TRMT9B: variants seen among roughly 807,000 people sequenced by gnomAD.
TRMT9B encodes the protein tRNA methyltransferase 9B (putative), also known as probable tRNA methyltransferase 9B.
In TRMT9B, 16 loss-of-function variants were observed where a neutral mutation model predicts 11.5. The ratio of observed to expected loss-of-function variants is 1.39; its 90% CI spans 0.94 to 2.11. TRMT9B has a LOEUF of 2.11. TRMT9B is among the 30% of genes most tolerant of loss of function. TRMT9B has a pLI of 0.00. For synonymous variants in TRMT9B, 274 were observed against 192.4 expected, an observed-to-expected ratio of 1.42 and a Z score of -3.51; for missense variants, 941 against 553.8, an observed-to-expected ratio of 1.70 and a Z score of -7.02.
chr8:12,973,424 C>T (rs934091304), intron 1 of TRMT9B, among the ~76,000 whole-genome samples: 1 of 152,188 alleles, frequency 6.6e-6, no homozygotes, highest in Admixed American at 6.5e-5. Context: ...ATCTCAGACA[C>T]AGTGGTCTGG....
intron 1 of TRMT9B, among the ~76,000 whole-genome samples, chr8:12,990,066 C>G (rs145673161): frequency 6.6e-6 from 1 of 152,146 alleles, no homozygotes; most frequent in South Asian, 2.1e-4. Flanking sequence ...AAAACCCACA[C>G]GCACCCTGCC....
intron 1 of TRMT9B, among the ~76,000 whole-genome samples, chr8:12,971,455 G>C (rs866390243): frequency 6.6e-6 from 1 of 152,240 alleles, no homozygotes; most frequent in South Asian, 2.1e-4. Flanking sequence ...TTTTCTTTGT[G>C]AGGTTTAACA....
intron 1 of TRMT9B, among the ~76,000 whole-genome samples, chr8:12,946,872 G>C (rs753001684): frequency 6.6e-6 from 1 of 152,192 alleles, no homozygotes; most frequent in African/African-American, 2.4e-5. Context: ...ATGCCAGGAA[G>C]TTCCCTATGT....
At chr8:12,978,164 C>G (rs931360423) in intron 1 of TRMT9B, among the ~76,000 whole-genome samples, 1 of 152,198 alleles carries the variant, frequency 6.6e-6, no homozygotes, top group African/African-American at 2.4e-5. Context: ...TATAGGCCTC[C>G]TGAGCAAATA....
intron 3 of TRMT9B, among the ~76,000 whole-genome samples, chr8:13,008,939 A>C (rs1003947991): frequency 6.6e-6 from 1 of 152,154 alleles, no homozygotes; most frequent in Non-Finnish European, 1.5e-5. Context: ...CGTGTTAGCC[A>C]GGATGGTGTC....
intron 1 of TRMT9B, among the ~76,000 whole-genome samples, chr8:12,975,410 A>C (rs1804287372): frequency 6.6e-6 from 1 of 151,746 alleles, no homozygotes; most frequent in South Asian, 2.1e-4. Context: ...TTTCTTCTAA[A>C]AGTAGCAGGA....
chr8:12,950,897 G>C (rs1334540185), intron 1 of TRMT9B, among the ~76,000 whole-genome samples: 1 of 152,128 alleles, frequency 6.6e-6, no homozygotes, highest in Non-Finnish European at 1.5e-5. Context: ...CCCTACGCTG[G>C]GGATCAGGAG....
At position 13,021,169 on chromosome 8, in the gene TRMT9B, C is replaced by G. The variant is rs780438083; in HGVS notation, c.490C>G (p.Leu164Val). The G allele has an allele frequency of 1.9e-6, 3 of 1,613,874 alleles. No individual in the cohort carries two copies. The African/African-American group carries it at 4.0e-5, about 22-fold the overall frequency. The change falls in exon 5 of 5, where the codon CTG becomes GTG. Residue 164 changes from leucine to valine, a missense_variant. Physicochemically the swap from Leu to Val is conservative, Grantham distance 32. Transcript: ENST00000524591. ...QDVLVPWNRA[L>V]CSQLFSESSQ... is the part of the protein sequence containing the mutation. Reference sequence around the variant, plus strand: ...CGTGCTTGTTCCATGGAACAGGGCTCTGTGTTCCCAGCTCTTCTCAGAGTC... The same window carrying G: ...CGTGCTTGTTCCATGGAACAGGGCTGTGTGTTCCCAGCTCTTCTCAGAGTC...
At chr8:13,013,409 A>T (rs909989540) in intron 4 of TRMT9B, among the ~76,000 whole-genome samples, 1 of 152,156 alleles carries the variant, frequency 6.6e-6, no homozygotes, top group African/African-American at 2.4e-5. Context: ...ATCGTTCATG[A>T]GTCTAGGGAA....
chr8:12,993,603 A>T (rs962092597), intron 2 of TRMT9B, among the ~76,000 whole-genome samples: 13 of 152,188 alleles, frequency 8.5e-5, no homozygotes, highest in Admixed American at 2.6e-4. Flanking sequence ...AGAAAGACAG[A>T]AAGGGGGCAA....
At chr8:12,964,865 T>C (rs1802610075) in intron 1 of TRMT9B, among the ~76,000 whole-genome samples, 1 of 152,194 alleles carries the variant, frequency 6.6e-6, no homozygotes, top group Admixed American at 6.5e-5. Flanking sequence ...GTGCTGGGAT[T>C]ACAGGTGTGA....
chr8:12,955,641 C>T (rs765999392), intron 1 of TRMT9B, among the ~76,000 whole-genome samples: 4 of 152,156 alleles, frequency 2.6e-5, no homozygotes, highest in East Asian at 3.9e-4. Flanking sequence ...TGGGGTGTTA[C>T]GTCCCATTTT....
At chr8:13,006,384 AGGTAACCAGGCAGCCTCATCGCTGACAT>A (rs1810472795) in intron 3 of TRMT9B, 28 bp downstream of exon 3, 1 of 1,432,404 alleles carries the variant, frequency 7.0e-7, no homozygotes, top group Admixed American at 2.4e-5. Context: ...TCGCTGACAT[AGGTAACCAGGCAGCCTCATCGCTGACAT>A]AGGTAACCAG....
chr8:13,007,342 G>A (rs933450026), intron 3 of TRMT9B: 3 of 152,128 alleles, frequency 2.0e-5, no homozygotes, highest in Non-Finnish European at 4.4e-5. Context: ...TCAAGAACTG[G>A]TAAACCACAG....
chr8:13,018,079 G>T (rs1212216966), intron 4 of TRMT9B, among the ~76,000 whole-genome samples: 1 of 131,724 alleles, frequency 7.6e-6, no homozygotes, highest in African/African-American at 2.9e-5. Context: ...ATTAATAAAT[G>T]AATAAATAAG....
intron 3 of TRMT9B, 150 bp from the exon 4 acceptor site, chr8:13,012,534 C>A: frequency 9.9e-7 from 1 of 1,006,006 alleles, no homozygotes; most frequent in Non-Finnish European, 1.4e-6. Flanking sequence ...GAGATTGCGC[C>A]ACTGCACTCC....
At chr8:12,992,363 G>A (rs1290881900) in intron 2 of TRMT9B, among the ~76,000 whole-genome samples, 1 of 152,074 alleles carries the variant, frequency 6.6e-6, no homozygotes, top group Non-Finnish European at 1.5e-5. Context: ...GCAGTGTATA[G>A]AAGTCCTGGG....
intron 1 of TRMT9B, among the ~76,000 whole-genome samples, chr8:12,968,531 C>G (rs1437808999): frequency 6.6e-6 from 1 of 152,176 alleles, no homozygotes; most frequent in Non-Finnish European, 1.5e-5. Flanking sequence ...AATAGGTGGT[C>G]TGCATTTTAA....
chr8:12,980,243 T>G (rs910940294), intron 1 of TRMT9B, among the ~76,000 whole-genome samples: 3 of 152,140 alleles, frequency 2.0e-5, no homozygotes, highest in African/African-American at 7.2e-5. Context: ...CAATTCCCGG[T>G]GGGCCCAGGC....
Sources: allele counts gnomAD v4.1 joint callset (sites outside exome capture counted in the v4.1 genomes callset), GRCh38; gene constraint gnomAD v4.1.1; transcripts MANE v1.5; gene names NCBI Gene and HGNC (gene_info 2026-07-23, HGNC 2026-07-21).